Variants in NWD2 observed in about 807,000 individuals in gnomAD.
The protein encoded by NWD2 is NACHT and WD repeat domain-containing protein 2.
In NWD2, 37 loss-of-function variants were observed where a neutral mutation model predicts 132.7. The ratio of observed to expected loss-of-function variants is 0.28; its 90% CI spans 0.21 to 0.37. The LOEUF is 0.37. NWD2 is among the 10% of genes least tolerant of loss of function. The pLI is 1.00. For missense variants in NWD2, 1,592 were observed against 2,122.4 expected, an observed-to-expected ratio of 0.75 and a Z score of 4.91; for synonymous variants, 705 against 803.0, an observed-to-expected ratio of 0.88 and a Z score of 2.06.
chr4:37,376,089 T>C (rs1720345152), intron 3 of NWD2, among the ~76,000 whole-genome samples: 1 of 152,240 alleles, frequency 6.6e-6, no homozygotes, highest in South Asian at 2.1e-4. Flanking sequence ...TTGATGAATT[T>C]AACATTTTCA....
At chr4:37,353,261 A>G (rs552195820) in intron 2 of NWD2, among the ~76,000 whole-genome samples, 4 of 151,862 alleles carry the variant, frequency 2.6e-5, no homozygotes, top group Non-Finnish European at 4.4e-5. Context: ...ACCTTTCTCT[A>G]TGGCTGCCCC....
intron 2 of NWD2, among the ~76,000 whole-genome samples, chr4:37,336,052 A>G (rs1719398966): frequency 6.6e-6 from 1 of 152,102 alleles, no homozygotes; most frequent in African/African-American, 2.4e-5. Flanking sequence ...ATAAAATAGC[A>G]TAAAATTTGT....
At chr4:37,382,688 A>ATAAT (rs1720476966) in intron 3 of NWD2, among the ~76,000 whole-genome samples, 1 of 151,336 alleles carries the variant, frequency 6.6e-6, no homozygotes, top group Admixed American at 6.6e-5. Flanking sequence ...TATTTTTTAT[A>ATAAT]TATTTATTTA....
At chr4:37,345,597 CA>C (rs370471874) in intron 2 of NWD2, among the ~76,000 whole-genome samples, 1 of 151,868 alleles carries the variant, frequency 6.6e-6, no homozygotes, top group Non-Finnish European at 1.5e-5. Flanking sequence ...GTATTCTAGA[CA>C]AAAAAATCCA....
chr4:37,405,194 A>G (rs1416620516), intron 3 of NWD2, among the ~76,000 whole-genome samples: 1 of 152,168 alleles, frequency 6.6e-6, no homozygotes, highest in Non-Finnish European at 1.5e-5. Flanking sequence ...TTATGACAGC[A>G]TCATCTTGAC....
At chr4:37,426,416 C>T (rs1712010214) in intron 3 of NWD2, among the ~76,000 whole-genome samples, 1 of 152,124 alleles carries the variant, frequency 6.6e-6, no homozygotes, top group African/African-American at 2.4e-5. Flanking sequence ...ATAGTAGGCA[C>T]TCAATATGTA....
intron 1 of NWD2, among the ~76,000 whole-genome samples, chr4:37,298,425 C>T (rs13105862): frequency 0.23 from 35,404 of 152,122 alleles, 4,778 homozygotes; most frequent in Middle Eastern, 0.41. Flanking sequence ...CAGCTAAACA[C>T]GATCACCTAG....
intron 1 of NWD2, among the ~76,000 whole-genome samples, chr4:37,277,623 T>A (rs1416898317): frequency 6.6e-6 from 1 of 152,174 alleles, no homozygotes; most frequent in African/African-American, 2.4e-5. Flanking sequence ...CTCTATTTAT[T>A]GTTGACATAC....
At chr4:37,387,917 A>G (rs1200908121) in intron 3 of NWD2, among the ~76,000 whole-genome samples, 1 of 151,096 alleles carries the variant, frequency 6.6e-6, no homozygotes, top group Non-Finnish European at 1.5e-5. Context: ...CAGGTGATCC[A>G]CCTGCCTTGG....
At chr4:37,384,752 A>G (rs1420197709) in intron 3 of NWD2, among the ~76,000 whole-genome samples, 1 of 152,158 alleles carries the variant, frequency 6.6e-6, no homozygotes, top group African/African-American at 2.4e-5. Context: ...AGAACTTTCC[A>G]TGTTTTGGCC....
chr4:37,247,659 G>T (rs563103551), intron 1 of NWD2, among the ~76,000 whole-genome samples: 2 of 152,082 alleles, frequency 1.3e-5, no homozygotes, highest in East Asian at 3.9e-4. Flanking sequence ...ACCCAGGCTG[G>T]AGTGCAGTGG....
intron 1 of NWD2, among the ~76,000 whole-genome samples, chr4:37,314,259 G>GT (rs1056581449): frequency 6.6e-6 from 1 of 151,950 alleles, no homozygotes; most frequent in Non-Finnish European, 1.5e-5. Flanking sequence ...TTTGTTTTGT[G>GT]TTTTTTTCTT....
chr4:37,438,255 C>A (rs554121350), intron 5 of NWD2, among the ~76,000 whole-genome samples: 1 of 146,884 alleles, frequency 6.8e-6, no homozygotes, highest in South Asian at 2.2e-4. Flanking sequence ...AGCGAGACTC[C>A]GTCTAAACAA....
intron 1 of NWD2, among the ~76,000 whole-genome samples, chr4:37,314,144 A>G (rs1005674299): frequency 9.2e-5 from 14 of 152,246 alleles, no homozygotes; most frequent in African/African-American, 3.1e-4. Flanking sequence ...CATTTCTGCA[A>G]TAAATCCCAC....
intron 2 of NWD2, among the ~76,000 whole-genome samples, chr4:37,340,195 G>A (rs1719491018): frequency 6.6e-6 from 1 of 152,036 alleles, no homozygotes; most frequent in Admixed American, 6.6e-5. Context: ...TTATGATACT[G>A]TGACCTTACC....
intron 3 of NWD2, among the ~76,000 whole-genome samples, chr4:37,390,293 T>C (rs1423227151): frequency 6.6e-6 from 1 of 152,142 alleles, no homozygotes; most frequent in Non-Finnish European, 1.5e-5. Context: ...TAAAATGCAG[T>C]AGAAAATATC....
chr4:37,369,258 T>C (rs1720167785), intron 3 of NWD2, among the ~76,000 whole-genome samples: 1 of 151,842 alleles, frequency 6.6e-6, no homozygotes, highest in African/African-American at 2.4e-5. Flanking sequence ...TTCTGTTTCT[T>C]ACAATCTGTT....
At chr4:37,323,927 A>G (rs1208621951) in intron 1 of NWD2, among the ~76,000 whole-genome samples, 1 of 152,178 alleles carries the variant, frequency 6.6e-6, no homozygotes, top group African/African-American at 2.4e-5. Context: ...GCCTAAACTA[A>G]TTAATGCAGG....
chr4:37,252,643 C>T (rs1717401147), intron 1 of NWD2, among the ~76,000 whole-genome samples: 1 of 152,164 alleles, frequency 6.6e-6, no homozygotes, highest in South Asian at 2.1e-4. Flanking sequence ...TAAGCCTAGA[C>T]TTGGCTGGGC....
Sources: allele counts gnomAD v4.1 joint callset (sites outside exome capture counted in the v4.1 genomes callset), GRCh38; gene constraint gnomAD v4.1.1; transcripts MANE v1.5; gene names NCBI Gene and HGNC (gene_info 2026-07-23, HGNC 2026-07-21).